PCCB: variants seen among roughly 807,000 people sequenced by gnomAD.
PCCB encodes the protein propionyl-CoA carboxylase subunit beta.
In PCCB, 43 loss-of-function variants were observed where a neutral mutation model predicts 60.7. The observed-to-expected ratio is 0.71, with a 90% CI of 0.55 to 0.91. PCCB has a LOEUF of 0.91. Ranked by LOEUF, PCCB falls within the 40% of genes least tolerant of loss-of-function variation. The pLI, the probability that PCCB is intolerant of heterozygous loss-of-function variation, is 0.00. For missense variants in PCCB, 766 were observed against 702.8 expected (o/e 1.09, Z -1.02); for synonymous variants, 276 against 255.9 (o/e 1.08, Z -0.75).
At chr3:136,260,356 G>A in intron 3 of PCCB, 123 bp from the exon 4 acceptor site, 1 of 792,948 alleles carries the variant, frequency 1.3e-6, no homozygotes, top group South Asian at 1.5e-5. Flanking sequence ...GGGATTACAG[G>A]CATGAGCCAC....
chr3:136,324,747 G>A (rs1292151781), intron 10 of PCCB, among the ~76,000 whole-genome samples: 1 of 152,164 alleles, frequency 6.6e-6, no homozygotes, highest in Admixed American at 6.5e-5. Flanking sequence ...ACAGAGATGT[G>A]TTCCTTGTGT....
chr3:136,327,945 T>C (rs1935391618), intron 13 of PCCB, among the ~76,000 whole-genome samples: 1 of 152,136 alleles, frequency 6.6e-6, no homozygotes, highest in African/African-American at 2.4e-5. Flanking sequence ...AGGCCCACGC[T>C]GGTGTCTTCA....
chr3:136,318,671 TC>T, intron 10 of PCCB, among the ~76,000 whole-genome samples: 1 of 152,354 alleles, frequency 6.6e-6, no homozygotes, highest in African/African-American at 2.4e-5. Context: ...TTTATATCAA[TC>T]TTATTTCACT....
chr3:136,299,354 A>ACATATGCATGCATAGGTATATATG (rs2108204613), intron 8 of PCCB, among the ~76,000 whole-genome samples: 2 of 152,158 alleles, frequency 1.3e-5, no homozygotes, highest in South Asian at 4.1e-4. Context: ...ACACATGCAT[A>ACATATGCATGCATAGGTATATATG]CATATGCATG....
rs79079820 is a variant in PCCB at position 136,288,115 on chromosome 3, C to G, written c.654+4168C>G. Among the ~76,000 whole-genome samples, 1,340 of 152,220 alleles carry G rather than the reference C, an allele frequency of 8.8e-3. 14 individuals carry two copies. The highest frequency in any genetic ancestry group is 0.014 in the Non-Finnish European group (951 of 68,020). On this transcript the variant is annotated intron_variant, in intron 6 of 14. Transcript: ENST00000251654. The stretch of plus-strand genomic sequence containing the variant: ...TGCATTGACTCAATTTGCATTAGTC[C>G]ATGACTGATAAAGCTGAGTGCCTTT...
chr3:136,297,893 C>T (rs961622609), intron 7 of PCCB, 59 bp from the exon 8 acceptor site: 1 of 1,610,048 alleles, frequency 6.2e-7, no homozygotes. Context: ...AGGCATGAAG[C>T]AGCAACTTTG....
In PCCB at chr3:136,328,706, A is replaced by G. The variant is rs1935422058; in HGVS notation, c.1399-52A>G. ...ACACAGTGATAATGAGTTGAAGGAG[A>G]TCTGTCCAGGTTGGGACGACCAAAG... On this transcript the variant is annotated intron_variant, in intron 13 of 14. Transcript: ENST00000251654. The G allele has an allele frequency of 6.5e-6, 9 of 1,392,890 alleles. No individual in the cohort carries two copies. In the Admixed American group the frequency reaches 1.5e-4, roughly 23 times the overall value. 86.3% of individuals were successfully genotyped at this position (1,392,890 alleles called of 1,614,324 possible).
At chr3:136,287,118 T>C (rs1017471085) in intron 6 of PCCB, among the ~76,000 whole-genome samples, 1 of 152,102 alleles carries the variant, frequency 6.6e-6, no homozygotes, top group African/African-American at 2.4e-5. Flanking sequence ...CTAAGGATCA[T>C]TGTAGCCTCC....
At chr3:136,276,290 G>A (rs928466304) in intron 5 of PCCB, among the ~76,000 whole-genome samples, 1 of 152,166 alleles carries the variant, frequency 6.6e-6, no homozygotes, top group African/African-American at 2.4e-5. Context: ...TAAAGCAAAT[G>A]GGTAAATGCA....
chr3:136,260,964 A>C (rs1189620331), intron 4 of PCCB, among the ~76,000 whole-genome samples: 2 of 152,228 alleles, frequency 1.3e-5, no homozygotes, highest in Admixed American at 6.5e-5. Context: ...AATAATGGCA[A>C]ATCACAGATA....
rs1290994455 is a variant in PCCB at position 136,293,768 on chromosome 3, C to T, written c.667C>T (p.Leu223=). Residue 223 remains leucine (L), a synonymous_variant, in exon 7 of 15, where the codon CTG becomes TTG. Coordinates refer to ENST00000251654, the MANE Select transcript of PCCB (RefSeq NM_000532.5). The part of the protein sequence containing the change: ...FTFMVKDTSY[L]FITGPDVVKS... The stretch of plus-strand genomic sequence containing the variant: ...TCTTTTATTTCAGGACACCTCCTAC[C>T]TGTTCATCACTGGCCCTGATGTTGT... The T allele has an allele frequency of 6.2e-7, 1 of 1,609,184 alleles. No individual in the cohort carries two copies. Among genetic ancestry groups the T allele is most frequent in the Admixed American group, 1.7e-5 (1 of 60,012 alleles).
intron 3 of PCCB, among the ~76,000 whole-genome samples, chr3:136,258,150 G>C (rs1413747211): frequency 1.3e-5 from 2 of 152,132 alleles, no homozygotes; most frequent in Non-Finnish European, 2.9e-5. Flanking sequence ...ATAGAACAAA[G>C]ATGTTTTCTG....
At chr3:136,286,456 T>C (rs1408685919) in intron 6 of PCCB, among the ~76,000 whole-genome samples, 4 of 152,332 alleles carry the variant, frequency 2.6e-5, no homozygotes, top group Admixed American at 2.0e-4. Flanking sequence ...TTTTGATTTC[T>C]ACCAAGCTTC....
At chr3:136,276,706 G>A (rs1031698883) in intron 5 of PCCB, among the ~76,000 whole-genome samples, 1 of 152,162 alleles carries the variant, frequency 6.6e-6, no homozygotes, top group Non-Finnish European at 1.5e-5. Flanking sequence ...CTGTGTAGTG[G>A]TGGACAAGGT....
intron 9 of PCCB, among the ~76,000 whole-genome samples, chr3:136,307,465 A>G (rs945509103): frequency 6.6e-6 from 1 of 152,206 alleles, no homozygotes; most frequent in Non-Finnish European, 1.5e-5. Context: ...GTTAGCTAAC[A>G]GATATCATTA....
chr3:136,318,123 G>A (rs1298640156), intron 10 of PCCB, among the ~76,000 whole-genome samples: 2 of 152,200 alleles, frequency 1.3e-5, no homozygotes, highest in Non-Finnish European at 2.9e-5. Context: ...TGGATCACGA[G>A]GTCTGGAGTT....
intron 5 of PCCB, among the ~76,000 whole-genome samples, chr3:136,268,094 A>ATATATATATATATATATG (rs1942071460): frequency 5.0e-4 from 32 of 64,294 alleles, no homozygotes; most frequent in South Asian, 1.2e-3. Context: ...GTAGATATAT[A>ATATATATATATATATATG]TATATATATA....
At chr3:136,284,704 G>A (rs962864223) in intron 6 of PCCB, among the ~76,000 whole-genome samples, 3 of 152,108 alleles carry the variant, frequency 2.0e-5, no homozygotes, top group East Asian at 3.9e-4. Flanking sequence ...GTTTCACAAA[G>A]TGCTTACCAC....
At chr3:136,295,994 G>T (rs1933917904) in intron 7 of PCCB, among the ~76,000 whole-genome samples, 1 of 152,120 alleles carries the variant, frequency 6.6e-6, no homozygotes, top group African/African-American at 2.4e-5. Context: ...GATGGACTGT[G>T]TCTGATGCAC....
Sources: gnomAD v4.1 joint callset for allele counts (sites outside exome capture counted in the v4.1 genomes callset) on GRCh38, gnomAD v4.1.1 for gene constraint, MANE v1.5 for transcripts, NCBI Gene and HGNC (gene_info 2026-07-23, HGNC 2026-07-21) for gene names.